The following PRKCA variants were observed in gnomAD, a reference collection of about 807,000 sequenced individuals.
PRKCA encodes protein kinase C alpha, also known as protein kinase C alpha type.
PRKCA carries 27 observed loss-of-function variants against 87.0 expected under a neutral mutation model. The observed-to-expected ratio is 0.31, with a 90% confidence interval of 0.23 to 0.43. The LOEUF (loss-of-function observed/expected upper bound fraction) is 0.43. PRKCA is among the 20% of genes least tolerant of loss of function. The pLI is 1.00. For missense variants in PRKCA, 518 were observed against 852.3 expected (o/e 0.61, Z 4.88); for synonymous variants, 329 against 311.1 (o/e 1.06, Z -0.61).
At chr17:66,590,206 TCA>T (rs1416623508) in intron 3 of PRKCA, among the ~76,000 whole-genome samples, 1 of 152,102 alleles carries the variant, frequency 6.6e-6, no homozygotes, top group African/African-American at 2.4e-5. Flanking sequence ...GAGGTAGATG[TCA>T]ACTGCCTGAA....
chr17:66,558,491 G>A (rs571053978), intron 3 of PRKCA, among the ~76,000 whole-genome samples: 1 of 152,234 alleles, frequency 6.6e-6, no homozygotes, highest in East Asian at 1.9e-4. Context: ...GCTTGGCCGA[G>A]GGCCTAGAGC....
chr17:66,775,902 G>C (rs1456978094), intron 14 of PRKCA: 3 of 350,542 alleles, frequency 8.6e-6, no homozygotes, highest in Non-Finnish European at 1.2e-5. Context: ...CACAGCAGAG[G>C]TAAGCTAGGA....
intron 2 of PRKCA, among the ~76,000 whole-genome samples, chr17:66,378,073 AG>A (rs1436401647): frequency 6.6e-6 from 1 of 152,188 alleles, no homozygotes; most frequent in Non-Finnish European, 1.5e-5. Context: ...CTGTAATCCC[AG>A]CACTTTGGGA....
chr17:66,574,637 C>T (rs1042976638), intron 3 of PRKCA, among the ~76,000 whole-genome samples: 20 of 151,154 alleles, frequency 1.3e-4, no homozygotes, highest in Admixed American at 8.6e-4. Flanking sequence ...CAAAACTCAG[C>T]GGTGAAAGGA....
chr17:66,399,688 A>C (rs2143679769), intron 2 of PRKCA, among the ~76,000 whole-genome samples: 1 of 152,336 alleles, frequency 6.6e-6, no homozygotes, highest in African/African-American at 2.4e-5. Context: ...TAACTAACTC[A>C]TAAATGGACT....
At chr17:66,348,045 G>A (rs890032258) in intron 2 of PRKCA, among the ~76,000 whole-genome samples, 8 of 141,112 alleles carry the variant, frequency 5.7e-5, no homozygotes, top group Non-Finnish European at 9.1e-5. Flanking sequence ...GGGTTCAAGC[G>A]ATTCTACTGC....
intron 2 of PRKCA, among the ~76,000 whole-genome samples, chr17:66,318,811 C>T (rs542690965): frequency 2.2e-3 from 334 of 151,612 alleles, no homozygotes; most frequent in African/African-American, 7.6e-3. Context: ...GCCAAGATCA[C>T]GCCACTGTAC....
At chr17:66,420,389 C>T (rs1353175547) in intron 2 of PRKCA, among the ~76,000 whole-genome samples, 1 of 152,126 alleles carries the variant, frequency 6.6e-6, no homozygotes, top group Admixed American at 6.5e-5. Flanking sequence ...CAGATGGTCC[C>T]AACTTAGCAT....
chr17:66,513,080 G>A (rs759469559), intron 3 of PRKCA, among the ~76,000 whole-genome samples: 2 of 152,108 alleles, frequency 1.3e-5, no homozygotes, highest in Non-Finnish European at 2.9e-5. Context: ...TGATTATTGG[G>A]TATCTTTCCA....
chr17:66,773,694 A>G (rs372324584), intron 13 of PRKCA, among the ~76,000 whole-genome samples: 64 of 152,072 alleles, frequency 4.2e-4, no homozygotes, highest in African/African-American at 1.3e-3. Flanking sequence ...CAGTGTCCAC[A>G]TACTTTCTGC....
intron 3 of PRKCA, among the ~76,000 whole-genome samples, chr17:66,517,050 C>A (rs1298517814): frequency 1.3e-5 from 2 of 152,190 alleles, no homozygotes; most frequent in African/African-American, 2.4e-5. Flanking sequence ...CTTTGGGAAG[C>A]CGAGGCGGGC....
intron 5 of PRKCA, among the ~76,000 whole-genome samples, chr17:66,681,903 G>A (rs2110228): frequency 0.038 from 5,750 of 152,248 alleles, 346 homozygotes; most frequent in African/African-American, 0.13. Context: ...GGTCACTCCC[G>A]CCTGGCTTCC....
At chr17:66,368,320 CTA>C (rs1908853026) in intron 2 of PRKCA, among the ~76,000 whole-genome samples, 1 of 115,294 alleles carries the variant, frequency 8.7e-6, no homozygotes. Flanking sequence ...GTGTGTTTAT[CTA>C]TATGTGTGTG....
chr17:66,441,217 C>T (rs1236393312), intron 2 of PRKCA, among the ~76,000 whole-genome samples: 2 of 150,374 alleles, frequency 1.3e-5, no homozygotes, highest in African/African-American at 4.9e-5. Flanking sequence ...ATGGTACGTG[C>T]CTGTGGTGCC....
intron 2 of PRKCA, among the ~76,000 whole-genome samples, chr17:66,440,882 G>A (rs1448610721): frequency 6.6e-6 from 1 of 152,040 alleles, no homozygotes; most frequent in East Asian, 1.9e-4. Flanking sequence ...ATTAGTCAGG[G>A]CCGGGTATGG....
intron 3 of PRKCA, among the ~76,000 whole-genome samples, chr17:66,573,280 G>A (rs187264654): frequency 7.9e-5 from 12 of 152,322 alleles, no homozygotes; most frequent in South Asian, 2.1e-4. Context: ...CATTGCAAGA[G>A]TGAAAACGAG....
Position 66,392,249 on chromosome 17 carries a change from A to G in PRKCA, c.205+86122A>G, listed in dbSNP as rs962300832. ...TGTCTCAACAACAACAAAAAAAAAA[A>G]TGTGGTTACAGAGGACTACGTGCTT... On this transcript the variant is annotated intron_variant, in intron 2 of 16. Transcript: ENST00000413366. 4.6e-5 allele frequency among the ~76,000 whole-genome samples: 7 copies of G among 151,564 alleles called. 1 individual carries two copies. Among genetic ancestry groups the G allele is most frequent in the Non-Finnish European group, 8.8e-5 (6 of 67,920 alleles).
intron 3 of PRKCA, among the ~76,000 whole-genome samples, chr17:66,515,287 AAAG>A (rs1966931111): frequency 1.3e-5 from 2 of 151,662 alleles, no homozygotes; most frequent in Non-Finnish European, 1.5e-5. Flanking sequence ...AAAAAAAAAA[AAAG>A]AAGGGAATGA....
chr17:66,613,801 T>C (rs78058517), intron 3 of PRKCA, among the ~76,000 whole-genome samples: 10 of 141,996 alleles, frequency 7.0e-5, no homozygotes, highest in Admixed American at 5.7e-4. Context: ...TTTTTTTTTT[T>C]TTTTGAGACA....
Sources: gnomAD v4.1 joint callset for allele counts (sites outside exome capture counted in the v4.1 genomes callset) on GRCh38, gnomAD v4.1.1 for gene constraint, MANE v1.5 for transcripts, NCBI Gene and HGNC (gene_info 2026-07-23, HGNC 2026-07-21) for gene names.